The following CADPS2 variants were observed in gnomAD, a reference collection of about 807,000 sequenced individuals.
The protein encoded by CADPS2 is calcium dependent secretion activator 2, also known as calcium-dependent secretion activator 2.
Under a neutral mutation model 172.5 loss-of-function variants are expected in CADPS2, and 93 were observed. The ratio of observed to expected loss-of-function variants is 0.54; its 90% CI spans 0.46 to 0.64. The LOEUF is 0.64. Among genes scored for constraint, CADPS2 ranks in the 30% least tolerant of loss-of-function variants. The probability of loss-of-function intolerance (pLI) is 0.00; values close to 1 mark genes in which losing one functional copy is unlikely to be tolerated. For missense variants in CADPS2, 1,420 were observed against 1,565.9 expected, an observed-to-expected ratio of 0.91 and a Z score of 1.57; for synonymous variants, 546 against 555.2, an observed-to-expected ratio of 0.98 and a Z score of 0.23.
chr7:122,822,383 G>C (rs1803576839), intron 1 of CADPS2, among the ~76,000 whole-genome samples: 1 of 151,734 alleles, frequency 6.6e-6, no homozygotes, highest in Non-Finnish European at 1.5e-5. Flanking sequence ...CCTCCCTTCA[G>C]CTTAATCTCT....
intron 28 of CADPS2, among the ~76,000 whole-genome samples, chr7:122,336,903 G>A (rs995967961): frequency 2.0e-5 from 3 of 152,100 alleles, no homozygotes; most frequent in Non-Finnish European, 4.4e-5. Context: ...GTGAGTTAAG[G>A]CTCTGGTGGA....
At chr7:122,545,285 C>T (rs993603386) in intron 8 of CADPS2, among the ~76,000 whole-genome samples, 1 of 152,112 alleles carries the variant, frequency 6.6e-6, no homozygotes, top group African/African-American at 2.4e-5. Context: ...ACATTAGTTA[C>T]ACAGAAAATA....
intron 8 of CADPS2, among the ~76,000 whole-genome samples, chr7:122,526,553 T>C (rs2061254672): frequency 1.3e-5 from 2 of 152,182 alleles, no homozygotes; most frequent in African/African-American, 4.8e-5. Flanking sequence ...AAATACTCTC[T>C]GGGTTCTCAC....
At chr7:122,755,624 T>C (rs1240900549) in intron 1 of CADPS2, among the ~76,000 whole-genome samples, 1 of 152,044 alleles carries the variant, frequency 6.6e-6, no homozygotes, top group Non-Finnish European at 1.5e-5. Context: ...AATGGTCCTA[T>C]TTTAAATAAA....
At chr7:122,533,130 A>G (rs1266627029) in intron 8 of CADPS2, among the ~76,000 whole-genome samples, 4 of 152,098 alleles carry the variant, frequency 2.6e-5, no homozygotes, top group African/African-American at 9.7e-5. Context: ...CATATCTAAT[A>G]TGTAGGATAC....
chr7:122,823,211 C>T (rs1194264924), intron 1 of CADPS2, among the ~76,000 whole-genome samples: 2 of 152,128 alleles, frequency 1.3e-5, no homozygotes, highest in East Asian at 3.9e-4. Flanking sequence ...CAATCTTTAT[C>T]ATTAAAGAAA....
chr7:122,713,074 A>G (rs1362345807), intron 2 of CADPS2, among the ~76,000 whole-genome samples: 1 of 152,112 alleles, frequency 6.6e-6, no homozygotes, highest in African/African-American at 2.4e-5. Flanking sequence ...CTAAGTTATC[A>G]CTTTCCTTAG....
At chr7:122,664,373 C>T (rs1245079300) in intron 2 of CADPS2, among the ~76,000 whole-genome samples, 4 of 152,000 alleles carry the variant, frequency 2.6e-5, no homozygotes, top group Non-Finnish European at 5.9e-5. Flanking sequence ...GCTTGGAAAG[C>T]AATACCTCTA....
At chr7:122,761,686 A>T (rs2093384602) in intron 1 of CADPS2, among the ~76,000 whole-genome samples, 1 of 151,906 alleles carries the variant, frequency 6.6e-6, no homozygotes, top group Non-Finnish European at 1.5e-5. Flanking sequence ...GCAAACAAAA[A>T]AAAAGCTCTT....
chr7:122,389,563 T>C (rs1388636354), intron 22 of CADPS2, among the ~76,000 whole-genome samples: 1 of 152,018 alleles, frequency 6.6e-6, no homozygotes, highest in African/African-American at 2.4e-5. Flanking sequence ...GAAGAGTACA[T>C]ATAATATTTT....
chr7:122,748,140 T>C (rs1042397595), intron 1 of CADPS2, among the ~76,000 whole-genome samples: 1 of 152,146 alleles, frequency 6.6e-6, no homozygotes, highest in African/African-American at 2.4e-5. Flanking sequence ...GAATATATCT[T>C]GTCATAACCA....
At chr7:122,698,528 T>G in intron 2 of CADPS2, 5 of 1,614,032 alleles carry the variant, frequency 3.1e-6, no homozygotes, top group Non-Finnish European at 4.2e-6. Flanking sequence ...CCTGGAACGT[T>G]ATAGATGATC....
chr7:122,877,213 G>A (rs1191622029), intron 1 of CADPS2, among the ~76,000 whole-genome samples: 1 of 152,176 alleles, frequency 6.6e-6, no homozygotes, highest in East Asian at 1.9e-4. Flanking sequence ...ATAACATTCA[G>A]TATCAATTCT....
intron 1 of CADPS2, among the ~76,000 whole-genome samples, chr7:122,836,995 T>A (rs1332448714): frequency 6.6e-6 from 1 of 150,622 alleles, no homozygotes; most frequent in Non-Finnish European, 1.5e-5. Flanking sequence ...GCACCATATC[T>A]TGCTTATTCC....
chr7:122,818,415 C>T (rs1238457380), intron 1 of CADPS2, among the ~76,000 whole-genome samples: 1 of 152,108 alleles, frequency 6.6e-6, no homozygotes, highest in Non-Finnish European at 1.5e-5. Flanking sequence ...TCTGAGGTGC[C>T]TGACGTCCAG....
chr7:122,479,366 A>C (rs887066406), intron 12 of CADPS2, among the ~76,000 whole-genome samples: 3 of 152,190 alleles, frequency 2.0e-5, no homozygotes. Context: ...ATTTATAGGA[A>C]GTTAAAAGTG....
chr7:122,664,856 C>A (rs1034671055), intron 2 of CADPS2, among the ~76,000 whole-genome samples: 1 of 152,092 alleles, frequency 6.6e-6, no homozygotes, highest in African/African-American at 2.4e-5. Flanking sequence ...ACAATCACAG[C>A]TCACTGCAGC....
chr7:122,583,085 A>G (rs772796560), intron 6 of CADPS2, among the ~76,000 whole-genome samples: 48 of 147,330 alleles, frequency 3.3e-4, no homozygotes, highest in Non-Finnish European at 7.1e-4. Flanking sequence ...AATGCGGAGG[A>G]AAAAAAAAAA....
At chr7:122,417,777 G>A (rs772218284) in intron 17 of CADPS2, among the ~76,000 whole-genome samples, 1 of 152,192 alleles carries the variant, frequency 6.6e-6, no homozygotes, top group African/African-American at 2.4e-5. Context: ...AGGTCTAGGG[G>A]AGACATCGGG....
Sources: gnomAD v4.1 joint callset for allele counts (sites outside exome capture counted in the v4.1 genomes callset) on GRCh38, gnomAD v4.1.1 for gene constraint, MANE v1.5 for transcripts, NCBI Gene and HGNC (gene_info 2026-07-23, HGNC 2026-07-21) for gene names.